The following ARMC3 variants were observed in gnomAD, a reference collection of about 807,000 sequenced individuals.
The protein encoded by ARMC3 is armadillo repeat-containing protein 3.
Under a neutral mutation model 90.3 loss-of-function variants are expected in ARMC3, and 74 were observed. That is an observed-to-expected ratio of 0.82 (90% confidence interval 0.68 to 0.99). ARMC3 has a LOEUF of 0.99. Ranked by LOEUF, ARMC3 falls within the 50% of genes least tolerant of loss-of-function variation. ARMC3 has a pLI of 0.00. For missense variants in ARMC3, 958 were observed against 1,042.8 expected (o/e 0.92, Z 1.12); for synonymous variants, 334 against 361.8 (o/e 0.92, Z 0.87).
At chr10:22,988,809 C>T (rs1047286554) in intron 10 of ARMC3, among the ~76,000 whole-genome samples, 2 of 152,178 alleles carry the variant, frequency 1.3e-5, no homozygotes, top group African/African-American at 2.4e-5. Flanking sequence ...TACACAGACC[C>T]ACTTACATAA....
chr10:22,934,943 G>A (rs955545165), intron 2 of ARMC3, among the ~76,000 whole-genome samples: 2 of 152,202 alleles, frequency 1.3e-5, no homozygotes, highest in African/African-American at 4.8e-5. Context: ...AGTCCCCTGA[G>A]GCCTGGTGTG....
Position 23,037,327 on chromosome 10 carries a change from G to A in ARMC3, c.2467G>A (p.Ala823Thr). Residue 823 changes from alanine to threonine, a missense_variant, in exon 19 of 19, where the codon GCG becomes ACG. Physicochemically the swap from Ala to Thr is moderately conservative, Grantham distance 58. Transcript: ENST00000298032. ...CCTAGTTCGCGGAGAGTACGGTAGA[G>A]CGTGGAATGAAGTCATGCTGCAGAA... ...CSLVRGEYGR[A>T]WNEVMLQNDS... 1 of 1,613,896 alleles carries A rather than the reference G, an allele frequency of 6.2e-7. No homozygotes were observed. The highest frequency in any genetic ancestry group is 1.3e-5 in the African/African-American group (1 of 75,050).
intron 8 of ARMC3, among the ~76,000 whole-genome samples, chr10:22,978,795 T>TTA (rs139963796): frequency 0.018 from 2,818 of 152,336 alleles, 97 homozygotes; most frequent in African/African-American, 0.065. Flanking sequence ...CTTATACTGT[T>TTA]ATTATACAAT....
At chr10:22,939,121 G>C (rs1281234577) in intron 2 of ARMC3, among the ~76,000 whole-genome samples, 1 of 152,142 alleles carries the variant, frequency 6.6e-6, no homozygotes, top group Admixed American at 6.5e-5. Context: ...GATTGTGAAA[G>C]ACAAGGAAGG....
intron 10 of ARMC3, chr10:22,997,228 A>C (rs1384127882): frequency 2.0e-5 from 3 of 152,194 alleles, no homozygotes; most frequent in Middle Eastern, 6.3e-3. Flanking sequence ...TGAGCTTTAA[A>C]CTGATTTAAA....
At chr10:23,001,845 A>G in intron 11 of ARMC3, 74 bp from the exon 12 acceptor site, 1 of 1,489,822 alleles carries the variant, frequency 6.7e-7, no homozygotes, top group Non-Finnish European at 9.1e-7. Context: ...CAATCAAATA[A>G]TGAGATTTTT....
At chr10:23,019,788 G>A (rs548579160) in intron 16 of ARMC3, among the ~76,000 whole-genome samples, 24 of 152,104 alleles carry the variant, frequency 1.6e-4, no homozygotes, top group Middle Eastern at 3.4e-3. Flanking sequence ...CAAGCAATTC[G>A]CCTGCCTCTG....
At chr10:23,001,607 C>T (rs1837294048) in intron 11 of ARMC3, among the ~76,000 whole-genome samples, 1 of 152,116 alleles carries the variant, frequency 6.6e-6, no homozygotes, top group South Asian at 2.1e-4. Flanking sequence ...TGTTCAGGAG[C>T]AGAGTGAATA....
chr10:22,981,291 C>T (rs1836170222), intron 8 of ARMC3, 49 bp from the exon 9 acceptor site: 5 of 1,499,516 alleles, frequency 3.3e-6, no homozygotes, highest in Non-Finnish European at 4.5e-6. Context: ...TAATACTTCG[C>T]AGTTTTTGCA....
intron 16 of ARMC3, chr10:23,014,060 A>G (rs1466768392): frequency 1.9e-6 from 3 of 1,545,048 alleles, no homozygotes; most frequent in East Asian, 2.4e-5. Context: ...CCTTCTTTGT[A>G]CTGTCTTCAC....
intron 10 of ARMC3, among the ~76,000 whole-genome samples, chr10:22,990,528 G>A (rs77000677): frequency 2.0e-5 from 3 of 152,188 alleles, no homozygotes; most frequent in East Asian, 1.9e-4. Context: ...AGCAGTTATC[G>A]GCCAGGTATT....
chr10:23,001,857 T>TAAAAA, intron 11 of ARMC3, 62 bp from the exon 12 acceptor site: 8 of 1,532,746 alleles, frequency 5.2e-6, no homozygotes, highest in Non-Finnish European at 7.0e-6. Flanking sequence ...GAGATTTTTT[T>TAAAAA]AAAAGCACAA....
intron 10 of ARMC3, among the ~76,000 whole-genome samples, chr10:22,992,154 G>T (rs967650206): frequency 1.3e-5 from 2 of 152,162 alleles, no homozygotes; most frequent in African/African-American, 4.8e-5. Context: ...GTCAATAAAG[G>T]CTCTGTGTCA....
chr10:22,997,599 T>C (rs922810282), intron 10 of ARMC3, among the ~76,000 whole-genome samples: 2 of 152,232 alleles, frequency 1.3e-5, no homozygotes, highest in African/African-American at 4.8e-5. Context: ...CATCTTTGCC[T>C]ACAATTAACA....
At chr10:22,975,361 C>T (rs1273788925) in intron 8 of ARMC3, among the ~76,000 whole-genome samples, 1 of 152,152 alleles carries the variant, frequency 6.6e-6, no homozygotes, top group Non-Finnish European at 1.5e-5. Flanking sequence ...TCAAGGCCAG[C>T]CTGGCCAACA....
intron 2 of ARMC3, among the ~76,000 whole-genome samples, chr10:22,932,681 C>G (rs937143527): frequency 2.0e-5 from 3 of 152,180 alleles, no homozygotes; most frequent in African/African-American, 7.2e-5. Flanking sequence ...TATTTTGAAA[C>G]AGACATTTGG....
rs1414031089 is a variant in ARMC3 at position 22,986,122 on chromosome 10, C to G, written c.1175+4422C>G. 2.4e-4 allele frequency among the ~76,000 whole-genome samples: 36 copies of G among 148,550 alleles called. 1 individual carries two copies. The highest frequency in any genetic ancestry group is 4.2e-4 in the Non-Finnish European group (28 of 67,166). ...CCCTGCACTGCACGCCCCCCCCCCG[C>G]GCCACACACCAACCACTAGCATCCA... On this transcript the variant is annotated intron_variant, in intron 10 of 18. Coordinates refer to ENST00000298032, the MANE Select transcript of ARMC3 (RefSeq NM_173081.5).
chr10:22,943,945 A>G, intron 2 of ARMC3, among the ~76,000 whole-genome samples: 1 of 152,106 alleles, frequency 6.6e-6, no homozygotes, highest in East Asian at 1.9e-4. Context: ...AAAAAAAAAA[A>G]AAAATTGTAT....
At chr10:22,971,499 G>A (rs1366151256) in intron 8 of ARMC3, among the ~76,000 whole-genome samples, 1 of 146,094 alleles carries the variant, frequency 6.8e-6, no homozygotes, top group African/African-American at 2.6e-5. Flanking sequence ...GGAGTGCAGT[G>A]GTGTGATCTC....
Sources: gnomAD v4.1 joint callset for allele counts (sites outside exome capture counted in the v4.1 genomes callset) on GRCh38, gnomAD v4.1.1 for gene constraint, MANE v1.5 for transcripts, NCBI Gene and HGNC (gene_info 2026-07-23, HGNC 2026-07-21) for gene names.